TOX3: variants seen among roughly 807,000 people sequenced by gnomAD.
The protein encoded by TOX3 is CAG trinucleotide repeat-containing gene F9 protein.
In TOX3, 22 loss-of-function variants were observed where a neutral mutation model predicts 64.3. That is an observed-to-expected ratio of 0.34 (90% CI 0.24 to 0.49). The LOEUF is 0.49. Among genes scored for constraint, TOX3 ranks in the 20% least tolerant of loss-of-function variants. TOX3 has a pLI of 0.99. For synonymous variants in TOX3, 291 were observed against 273.6 expected (o/e 1.06, Z -0.63); for missense variants, 661 against 714.4 (o/e 0.93, Z 0.85).
Position 52,501,478 on chromosome 16 carries a change from C to G in TOX3, c.88-32904G>C, listed in dbSNP as rs190062268. Among the ~76,000 whole-genome samples, 21 of 152,198 alleles carry G rather than the reference C, an allele frequency of 1.4e-4. No individual in the cohort carries two copies. In the East Asian group the frequency reaches 3.9e-3, roughly 28 times the overall value. On this transcript the variant is annotated intron_variant, in intron 1 of 6. Coordinates refer to ENST00000219746, the MANE Select transcript of TOX3 (RefSeq NM_001080430.4). The stretch of plus-strand genomic sequence containing the variant: ...CCTGAGGCCAGGAGTTCGAGACCAG[C>G]CTGGCCAACATGGTGAAACCCTGTC...
rs113034500 is a variant in TOX3, at chr16:52,486,194, T to C, written c.88-17620A>G. Among the ~76,000 whole-genome samples the C allele has an allele frequency of 3.4e-4, 51 of 152,174 alleles. 1 individual carries two copies. The highest frequency in any genetic ancestry group is 1.2e-3 in the African/African-American group (51 of 41,518). On this transcript the variant is annotated intron_variant, in intron 1 of 6. Coordinates refer to ENST00000219746, the MANE Select transcript of TOX3 (RefSeq NM_001080430.4). Reference sequence around the variant, plus strand: ...ATCCCAAGGGAGATGAGAAGAGGCCTAGAGGAGAACCCTGAAGAACACCAG... The same window carrying C: ...ATCCCAAGGGAGATGAGAAGAGGCCCAGAGGAGAACCCTGAAGAACACCAG...
intron 1 of TOX3, among the ~76,000 whole-genome samples, chr16:52,469,215 T>C (rs1960961814): frequency 6.6e-6 from 1 of 152,204 alleles, no homozygotes; most frequent in Non-Finnish European, 1.5e-5. Flanking sequence ...ATAAGCGGGA[T>C]CTCATGAACA....
chr16:52,476,596 A>G (rs775416757), intron 1 of TOX3, among the ~76,000 whole-genome samples: 2 of 151,890 alleles, frequency 1.3e-5, no homozygotes, highest in African/African-American at 2.4e-5. Context: ...AAGGCCTCTG[A>G]TCTCTGGTTC....
At position 52,531,979 on chromosome 16, in the gene TOX3, C is replaced by T. The variant is rs540775829; in HGVS notation, c.87+14658G>A. On this transcript the variant is annotated intron_variant, in intron 1 of 6. Transcript: ENST00000219746. ...TTTTGAAGTTTTGCACCTGGAAATA[C>T]GGCACTGAAAAAAACAGAAATTCAA... Among the ~76,000 whole-genome samples the T allele has an allele frequency of 3.9e-5, 6 of 152,178 alleles. No individual in the cohort carries two copies. In the East Asian group the frequency reaches 5.8e-4, roughly 15 times the overall value.
intron 1 of TOX3, among the ~76,000 whole-genome samples, chr16:52,471,056 G>A (rs1414193512): frequency 6.6e-6 from 1 of 152,156 alleles, no homozygotes; most frequent in East Asian, 1.9e-4. Flanking sequence ...TGGCAAGGTA[G>A]TTAGATAATA....
chr16:52,465,005 C>CTTTTTTTT (rs1168498170), intron 2 of TOX3, among the ~76,000 whole-genome samples: 1,363 of 70,976 alleles, frequency 0.019, 248 homozygotes, highest in Non-Finnish European at 0.022. Context: ...TTAATGCATT[C>CTTTTTTTT]TTTTTTTTTT....
At position 52,439,220 on chromosome 16, in the gene TOX3, C is replaced by T. The variant is rs369571723; in HGVS notation, c.*5G>A. The T allele has an allele frequency of 1.3e-5, 21 of 1,613,680 alleles. No homozygotes were observed. The highest frequency in any genetic ancestry group is 1.7e-5 in the Admixed American group (1 of 59,986). On this transcript the variant is annotated 3_prime_UTR_variant, in exon 7 of 7. Coordinates refer to ENST00000219746, the MANE Select transcript of TOX3 (RefSeq NM_001080430.4). Reference sequence around the variant, plus strand: ...TATACGCAAATCCGTCTGCCATATGCGTCTTCAGAAAATACTGACCTGCGA... The same window carrying T: ...TATACGCAAATCCGTCTGCCATATGTGTCTTCAGAAAATACTGACCTGCGA...
At chr16:52,459,811 C>T (rs768171097) in intron 3 of TOX3, among the ~76,000 whole-genome samples, 12 of 151,836 alleles carry the variant, frequency 7.9e-5, no homozygotes, top group Non-Finnish European at 1.3e-4. Context: ...TTTCTCTTAA[C>T]GTAAGATTTT....
chr16:52,468,633 G>T, intron 1 of TOX3, 59 bp from the exon 2 acceptor site: 1 of 1,338,840 alleles, frequency 7.5e-7, no homozygotes, highest in Non-Finnish European at 1.1e-6. Context: ...TTCTGGCTGT[G>T]ATTTGGAAAG....
At chr16:52,453,189 T>TTC in intron 3 of TOX3, among the ~76,000 whole-genome samples, 1 of 11,178 alleles carries the variant, frequency 8.9e-5, no homozygotes, top group African/African-American at 1.3e-3. Flanking sequence ...TTCAGAATGC[T>TTC]TTTTTTTTTT....
At chr16:52,444,488 T>A in intron 5 of TOX3, 132 bp from the exon 6 acceptor site, 1 of 538,806 alleles carries the variant, frequency 1.9e-6, no homozygotes, top group Non-Finnish European at 3.2e-6. Context: ...GATTTTTAAA[T>A]GTTAGCGCAT....
At chr16:52,455,732 T>C (rs1417376666) in intron 3 of TOX3, among the ~76,000 whole-genome samples, 1 of 152,122 alleles carries the variant, frequency 6.6e-6, no homozygotes, top group Non-Finnish European at 1.5e-5. Context: ...GGGAAAAGCA[T>C]GTCTCATGCA....
chr16:52,439,355 G>T lies in TOX3; in HGVS notation c.1601C>A (p.Ser534Tyr), dbSNP rs771386648. The T allele has an allele frequency of 6.2e-7, 1 of 1,609,900 alleles. No homozygotes were observed. Among genetic ancestry groups the T allele is most frequent in the Admixed American group, 1.7e-5 (1 of 59,346 alleles). Residue 534 changes from serine to tyrosine, a missense_variant, in exon 7 of 7, where the codon TCC (serine) becomes TAC (tyrosine). By Grantham distance (144) the Ser-to-Tyr change is moderately radical. Around this residue, in one of 3 missense-constraint regions of TOX3, gnomAD observed 299 missense variants for 292.1 expected, o/e 1.02. Transcript: ENST00000219746. ...HQSQPSPRQH[S>Y]PVASQITSPI... ...GGATGTTATCTGAGAGGCGACAGGG[G>T]AGTGCTGCCGAGGAGAAGGCTGAGA...
At chr16:52,520,447 C>T (rs948681416) in intron 1 of TOX3, among the ~76,000 whole-genome samples, 2 of 152,254 alleles carry the variant, frequency 1.3e-5, no homozygotes, top group East Asian at 3.9e-4. Context: ...TTGTTCTGCT[C>T]GTGTTAATAG....
Position 52,451,631 on chromosome 16 carries a change from G to A in TOX3, c.409-1085C>T, listed in dbSNP as rs1198018732. Among the ~76,000 whole-genome samples the A allele has an allele frequency of 2.6e-5, 4 of 152,086 alleles. No homozygotes were observed. In the East Asian group the frequency reaches 5.8e-4, roughly 22 times the overall value. ...GAATTCTTAACTGTTCCTTTTTTGAGTCCTTCCGATAAGGCTTATTTTTGC... is the reference window on the plus strand; with the variant it reads ...GAATTCTTAACTGTTCCTTTTTTGAATCCTTCCGATAAGGCTTATTTTTGC... On this transcript the variant is annotated intron_variant, in intron 3 of 6. Coordinates refer to ENST00000219746, the MANE Select transcript of TOX3 (RefSeq NM_001080430.4).
rs774899818 is a variant in TOX3, at chr16:52,438,893, G to T, written c.*332C>A. The T allele has an allele frequency of 4.3e-5, 23 of 533,470 alleles. No homozygotes were observed. The highest frequency in any genetic ancestry group is 7.8e-5 in the Non-Finnish European group (21 of 270,540). The allele number at this position is 533,470 out of a possible 1,614,324, so 33.0% of individuals were successfully genotyped here. A position where few individuals can be genotyped will look rare whatever the true frequency, so the allele number is the denominator to read the frequency against. The stretch of plus-strand genomic sequence containing the variant: ...AATAAGGCCATTTTTCTATGACTCA[G>T]AGAGGCCAGTTTATAGTCATCAGTA... On this transcript the variant is annotated 3_prime_UTR_variant, in exon 7 of 7. Transcript: ENST00000219746.
intron 1 of TOX3, among the ~76,000 whole-genome samples, chr16:52,521,744 A>G (rs1418778735): frequency 6.6e-6 from 1 of 152,244 alleles, no homozygotes; most frequent in Non-Finnish European, 1.5e-5. Context: ...CAGCATCAGC[A>G]TCACCTAGCA....
intron 1 of TOX3, among the ~76,000 whole-genome samples, chr16:52,529,044 C>G (rs1166603595): frequency 2.0e-5 from 3 of 152,150 alleles, no homozygotes; most frequent in Non-Finnish European, 4.4e-5. Flanking sequence ...ATCCCCAGTG[C>G]CAAGTTAACC....
At chr16:52,494,184 G>T (rs574098266) in intron 1 of TOX3, among the ~76,000 whole-genome samples, 1 of 152,182 alleles carries the variant, frequency 6.6e-6, no homozygotes, top group Admixed American at 6.5e-5. Flanking sequence ...AATCATTATG[G>T]GCTGTTTCCA....
Sources: allele counts gnomAD v4.1 joint callset (sites outside exome capture counted in the v4.1 genomes callset), GRCh38; gene constraint gnomAD v4.1.1; regional missense constraint gnomAD v4.1.1; transcripts MANE v1.5; gene names NCBI Gene and HGNC (gene_info 2026-07-23, HGNC 2026-07-21).